Variants in HDAC9 observed in about 807,000 individuals in gnomAD.
HDAC9 encodes MEF-2 interacting transcription repressor (MITR) protein.
A neutral mutation model predicts 139.4 loss-of-function variants in HDAC9; 41 were observed. The observed-to-expected ratio is 0.29, with a 90% CI of 0.23 to 0.38. The LOEUF (loss-of-function observed/expected upper bound fraction) is 0.38, where lower values mean the gene tolerates loss of function less well. Ranked by LOEUF, HDAC9 falls within the 10% of genes least tolerant of loss-of-function variation. The pLI is 1.00. For missense variants in HDAC9, 1,147 were observed against 1,297.0 expected (o/e 0.88, Z 1.78); for synonymous variants, 517 against 476.2 (o/e 1.09, Z -1.12).
intron 12 of HDAC9, among the ~76,000 whole-genome samples, chr7:18,671,571 A>C (rs1405724804): frequency 1.3e-5 from 2 of 152,024 alleles, no homozygotes; most frequent in African/African-American, 4.8e-5. Flanking sequence ...TTTTAACTCA[A>C]GTATAGGCAA....
At chr7:18,971,129 C>A (rs1784217162) in intron 24 of HDAC9, among the ~76,000 whole-genome samples, 1 of 152,192 alleles carries the variant, frequency 6.6e-6, no homozygotes, top group Admixed American at 6.5e-5. Flanking sequence ...TGACTCTCTA[C>A]ATTCCATTCT....
At chr7:18,122,122 C>G (rs1009940950) in intron 1 of HDAC9, among the ~76,000 whole-genome samples, 20 of 152,154 alleles carry the variant, frequency 1.3e-4, no homozygotes, top group Non-Finnish European at 5.9e-5. Flanking sequence ...CCATAGCATT[C>G]AATCATAATA....
At chr7:18,387,086 G>T (rs1786008446) in intron 1 of HDAC9, among the ~76,000 whole-genome samples, 1 of 152,154 alleles carries the variant, frequency 6.6e-6, no homozygotes, top group South Asian at 2.1e-4. Flanking sequence ...CATTTCTGAG[G>T]ATAAAAGAAG....
intron 24 of HDAC9, 35 bp from the exon 25 acceptor site, chr7:18,975,771 C>A (rs1172540993): frequency 6.2e-7 from 1 of 1,604,254 alleles, no homozygotes; most frequent in Non-Finnish European, 8.5e-7. Flanking sequence ...GCTGTAATTA[C>A]AATTCTTATG....
At chr7:18,276,800 C>G (rs1796753599) in intron 2 of HDAC9, among the ~76,000 whole-genome samples, 1 of 152,154 alleles carries the variant, frequency 6.6e-6, no homozygotes, top group African/African-American at 2.4e-5. Context: ...TCATTTTAGC[C>G]TGTCTAATAT....
chr7:18,637,034 G>A (rs1784115167), intron 8 of HDAC9, among the ~76,000 whole-genome samples: 1 of 152,028 alleles, frequency 6.6e-6, no homozygotes, highest in African/African-American at 2.4e-5. Flanking sequence ...ACTACATTCA[G>A]CAGCATGTAT....
intron 1 of HDAC9, among the ~76,000 whole-genome samples, chr7:18,405,684 AG>A (rs1385837434): frequency 1.3e-5 from 2 of 152,332 alleles, no homozygotes; most frequent in Middle Eastern, 3.4e-3. Flanking sequence ...AAAATATGCT[AG>A]GGAAAGAAAT....
intron 8 of HDAC9, among the ~76,000 whole-genome samples, chr7:18,643,942 T>G (rs1036299671): frequency 1.3e-5 from 2 of 152,016 alleles, no homozygotes; most frequent in Non-Finnish European, 2.9e-5. Flanking sequence ...AAAATGTAAT[T>G]CAAGCAACCA....
intron 24 of HDAC9, among the ~76,000 whole-genome samples, chr7:18,967,388 TAC>T (rs749467982): frequency 5.9e-5 from 9 of 151,982 alleles, no homozygotes; most frequent in Non-Finnish European, 1.3e-4. Context: ...TTGCTAATGA[TAC>T]AGTGTCCTTA....
At chr7:18,780,503 T>C (rs2588603) in intron 16 of HDAC9, among the ~76,000 whole-genome samples, 115,321 of 151,736 alleles carry the variant, frequency 0.76, 44,617 homozygotes, top group Non-Finnish European at 0.83. Flanking sequence ...CAGTTGTTGT[T>C]GGATGATTCA....
chr7:18,129,409 T>A (rs897834187), intron 1 of HDAC9, among the ~76,000 whole-genome samples: 11 of 152,128 alleles, frequency 7.2e-5, no homozygotes, highest in African/African-American at 2.7e-4. Flanking sequence ...ACCTTTTAAG[T>A]TTTAATTAAT....
At chr7:18,354,532 A>G (rs1783102136) in intron 1 of HDAC9, among the ~76,000 whole-genome samples, 1 of 152,170 alleles carries the variant, frequency 6.6e-6, no homozygotes, top group African/African-American at 2.4e-5. Context: ...GCCTTGTTAT[A>G]TTAATTATAG....
chr7:18,119,773 A>T (rs1352084387), intron 1 of HDAC9, among the ~76,000 whole-genome samples: 1 of 152,206 alleles, frequency 6.6e-6, no homozygotes, highest in African/African-American at 2.4e-5. Flanking sequence ...AATTGACATT[A>T]TGACTGGGAA....
intron 1 of HDAC9, among the ~76,000 whole-genome samples, chr7:18,293,011 C>G (rs1345499972): frequency 6.6e-6 from 1 of 151,312 alleles, no homozygotes; most frequent in Admixed American, 6.6e-5. Flanking sequence ...TTTTTCTTCA[C>G]TCAAGGGGAC....
Position 18,145,440 on chromosome 7 carries a change from T to C in HDAC9, c.-96-16789T>C, listed in dbSNP as rs769328837. Among the ~76,000 whole-genome samples, 55 of 152,214 alleles carry C rather than the reference T, an allele frequency of 3.6e-4. 1 individual carries two copies. Among genetic ancestry groups the C allele is most frequent in the Non-Finnish European group, 1.0e-4 (7 of 68,024 alleles). ...CCTACCAGTATATTATCCAGACATA[T>C]GTCAATCATATTACTAAGTTAACAG... On this transcript the variant is annotated intron_variant, in intron 1 of 12. Transcript: ENST00000417496.
chr7:18,874,605 C>A lies in HDAC9; in HGVS notation c.2803+9C>A. ...CAAAGTGACGGCAAAATGTAAGTAC[C>A]TCTTTCAGGACTTTACGAAAGGCTC... On this transcript the variant is annotated intron_variant, in intron 22 of 25. Coordinates refer to ENST00000686413, the MANE Select transcript of HDAC9 (RefSeq NM_178425.4). 10 of 1,491,914 alleles carry A rather than the reference C, an allele frequency of 6.7e-6. No individual in the cohort carries two copies. The highest frequency in any genetic ancestry group is 9.2e-6 in the Non-Finnish European group (10 of 1,084,620). The allele number at this position is 1,491,914 out of a possible 1,614,324, so 92.4% of individuals were successfully genotyped here. A position where few individuals can be genotyped will look rare whatever the true frequency, so the allele number is the denominator to read the frequency against.
At chr7:18,512,736 G>A (rs1474357222) in intron 2 of HDAC9, among the ~76,000 whole-genome samples, 2 of 152,126 alleles carry the variant, frequency 1.3e-5, no homozygotes, top group African/African-American at 4.8e-5. Flanking sequence ...TACATTATAT[G>A]TGTATTATAT....
chr7:18,131,736 G>T (rs1785024026), intron 1 of HDAC9, among the ~76,000 whole-genome samples: 1 of 152,116 alleles, frequency 6.6e-6, no homozygotes, highest in African/African-American at 2.4e-5. Flanking sequence ...AGGTGAGGCG[G>T]TGAGAGCCTC....
intron 2 of HDAC9, among the ~76,000 whole-genome samples, chr7:18,551,695 T>C (rs1232791201): frequency 6.6e-6 from 1 of 152,228 alleles, no homozygotes; most frequent in Non-Finnish European, 1.5e-5. Context: ...ACAGGATCAT[T>C]TTTTGTTTGA....
Sources: allele counts gnomAD v4.1 joint callset (sites outside exome capture counted in the v4.1 genomes callset), GRCh38; gene constraint gnomAD v4.1.1; transcripts MANE v1.5; gene names NCBI Gene and HGNC (gene_info 2026-07-23, HGNC 2026-07-21).